Variants in DENND1A observed in about 807,000 individuals in gnomAD.
DENND1A encodes the protein DENN domain containing 1A, also known as DENN domain-containing protein 1A.
Under a neutral mutation model 113.7 loss-of-function variants are expected in DENND1A, and 51 were observed. The observed-to-expected ratio is 0.45, with a 90% CI of 0.36 to 0.57. The LOEUF is 0.57. Among genes scored for constraint, DENND1A ranks in the 20% least tolerant of loss-of-function variants. The pLI, the probability that DENND1A is intolerant of heterozygous loss-of-function variation, is 0.00. For missense variants in DENND1A, 1,258 were observed against 1,395.9 expected, an observed-to-expected ratio of 0.90 and a Z score of 1.57; for synonymous variants, 565 against 570.8, an observed-to-expected ratio of 0.99 and a Z score of 0.14.
At chr9:123,541,341 C>A (rs371289999) in intron 13 of DENND1A, among the ~76,000 whole-genome samples, 1 of 152,022 alleles carries the variant, frequency 6.6e-6, no homozygotes, top group Non-Finnish European at 1.5e-5. Context: ...TTTTTCCTAC[C>A]CCTACTTCTT....
chr9:123,848,254 A>AC (rs1842896704), intron 2 of DENND1A, among the ~76,000 whole-genome samples: 3 of 145,296 alleles, frequency 2.1e-5, no homozygotes, highest in African/African-American at 7.4e-5. Flanking sequence ...AAAAAAAAAA[A>AC]AAACAAATTG....
chr9:123,574,335 A>G (rs1170106735), intron 12 of DENND1A, among the ~76,000 whole-genome samples: 3 of 152,000 alleles, frequency 2.0e-5, no homozygotes, highest in Non-Finnish European at 4.4e-5. Flanking sequence ...GATAGAATTC[A>G]CCAGGGAGGC....
intron 20 of DENND1A, among the ~76,000 whole-genome samples, chr9:123,408,461 C>T (rs1216977781): frequency 6.6e-6 from 1 of 152,178 alleles, no homozygotes; most frequent in African/African-American, 2.4e-5. Context: ...AACCTCATTA[C>T]CTTTACCAGG....
At chr9:123,505,568 T>C (rs2052855114) in intron 13 of DENND1A, among the ~76,000 whole-genome samples, 1 of 152,180 alleles carries the variant, frequency 6.6e-6, no homozygotes, top group African/African-American at 2.4e-5. Flanking sequence ...CAAACTCCCT[T>C]AAAGGCAACA....
At chr9:123,578,244 CAGAAAATGCCTCAAGGCAGAA>C (rs1329989628) in intron 12 of DENND1A, among the ~76,000 whole-genome samples, 1 of 152,218 alleles carries the variant, frequency 6.6e-6, no homozygotes, top group Non-Finnish European at 1.5e-5. Context: ...TACCAATATC[CAGAAAATGCCTCAAGGCAGAA>C]AGCCAGTGGG....
At chr9:123,668,896 C>G (rs747251218) in intron 7 of DENND1A, among the ~76,000 whole-genome samples, 6 of 152,078 alleles carry the variant, frequency 3.9e-5, no homozygotes, top group Non-Finnish European at 8.8e-5. Flanking sequence ...CATGAGATAC[C>G]AACTTCTATA....
At chr9:123,861,416 T>A (rs1489138208) in intron 2 of DENND1A, among the ~76,000 whole-genome samples, 1 of 152,234 alleles carries the variant, frequency 6.6e-6, no homozygotes, top group African/African-American at 2.4e-5. Flanking sequence ...AAAGGTTAAA[T>A]TGCTGACCTG....
intron 13 of DENND1A, among the ~76,000 whole-genome samples, chr9:123,488,650 A>G (rs1358713165): frequency 6.6e-6 from 1 of 152,214 alleles, no homozygotes; most frequent in African/African-American, 2.4e-5. Flanking sequence ...TCCCTGGACT[A>G]GAGACCCTCT....
intron 4 of DENND1A, among the ~76,000 whole-genome samples, chr9:123,766,941 T>C (rs1432225020): frequency 6.6e-6 from 1 of 152,200 alleles, no homozygotes. Flanking sequence ...GTTTTATGAC[T>C]GTTCCTTGGG....
chr9:123,677,494 CATG>C (rs899686261), intron 5 of DENND1A, among the ~76,000 whole-genome samples: 19 of 152,150 alleles, frequency 1.2e-4, no homozygotes, highest in African/African-American at 4.6e-4. Flanking sequence ...AGTGCAGTGG[CATG>C]ATCTCGGCTC....
At chr9:123,926,797 T>C (rs1037796114) in intron 1 of DENND1A, among the ~76,000 whole-genome samples, 1 of 151,960 alleles carries the variant, frequency 6.6e-6, no homozygotes, top group South Asian at 2.1e-4. Context: ...AGGCATTGAG[T>C]CTGACACAGG....
chr9:123,433,408 C>T (rs2046285716), intron 19 of DENND1A, among the ~76,000 whole-genome samples: 1 of 152,214 alleles, frequency 6.6e-6, no homozygotes, highest in Non-Finnish European at 1.5e-5. Context: ...CTCTTCTCTA[C>T]ACATGGATCT....
intron 21 of DENND1A, among the ~76,000 whole-genome samples, chr9:123,395,221 G>C (rs2131126947): frequency 6.6e-6 from 1 of 152,240 alleles, no homozygotes; most frequent in South Asian, 2.1e-4. Context: ...CCCAAGGCTT[G>C]GTTTCCAGTT....
At chr9:123,552,211 A>C (rs2057129392) in intron 13 of DENND1A, among the ~76,000 whole-genome samples, 1 of 152,106 alleles carries the variant, frequency 6.6e-6, no homozygotes, top group Non-Finnish European at 1.5e-5. Context: ...CACGGACTGG[A>C]GCTGTCCCCC....
At chr9:123,440,769 T>C (rs2046871657) in intron 18 of DENND1A, among the ~76,000 whole-genome samples, 2 of 152,348 alleles carry the variant, frequency 1.3e-5, no homozygotes, top group African/African-American at 4.8e-5. Context: ...TACACAGCCA[T>C]TTTCATTTTT....
intron 5 of DENND1A, among the ~76,000 whole-genome samples, chr9:123,750,329 A>G (rs1157602107): frequency 6.6e-6 from 1 of 152,240 alleles, no homozygotes; most frequent in Admixed American, 6.5e-5. Flanking sequence ...GCAATAAAAC[A>G]TGCAACATTC....
At chr9:123,818,265 C>G (rs539326826) in intron 2 of DENND1A, among the ~76,000 whole-genome samples, 2 of 151,450 alleles carry the variant, frequency 1.3e-5, no homozygotes, top group African/African-American at 4.9e-5. Context: ...CCACCACACC[C>G]GGCTAATTTT....
At chr9:123,565,615 C>CT (rs796863353) in intron 12 of DENND1A, among the ~76,000 whole-genome samples, 2 of 152,206 alleles carry the variant, frequency 1.3e-5, no homozygotes, top group South Asian at 4.1e-4. Context: ...GGCATCAAGG[C>CT]TTTTTTCTAA....
rs35530605 is a variant in DENND1A at position 123,699,692 on chromosome 9, T to C, written c.303-22903A>G. ...CTACCCTTTCATTCTTTCTTTCTTT[T>C]TTTTTTTTTTTTTTTTTTTATTGGA... On this transcript the variant is annotated intron_variant, in intron 5 of 23. Coordinates refer to ENST00000394215, the MANE Select transcript of DENND1A (RefSeq NM_001352964.2). 4.5e-3 allele frequency among the ~76,000 whole-genome samples: 547 copies of C among 122,426 alleles called. 2 individuals carry two copies. The highest frequency in any genetic ancestry group is 0.015 in the African/African-American group (508 of 34,232). The allele number at this position is 122,426 out of a possible 152,430, so 80.3% of individuals were successfully genotyped here.
Sources: allele counts gnomAD v4.1 joint callset (sites outside exome capture counted in the v4.1 genomes callset), GRCh38; gene constraint gnomAD v4.1.1; transcripts MANE v1.5; gene names NCBI Gene and HGNC (gene_info 2026-07-23, HGNC 2026-07-21).